The following MAP2 variants were observed in gnomAD, a reference collection of about 807,000 sequenced individuals.
The protein encoded by MAP2 is microtubule-associated protein 2.
MAP2 carries 14 observed loss-of-function variants against 137.6 expected under a neutral mutation model. The observed-to-expected ratio is 0.10, with a 90% CI of 0.07 to 0.16. The LOEUF (loss-of-function observed/expected upper bound fraction) is 0.16, where lower values mean the gene tolerates loss of function less well. Ranked by LOEUF, MAP2 falls within the 10% of genes least tolerant of loss-of-function variation. MAP2 has a pLI of 1.00. For missense variants in MAP2, 2,088 were observed against 2,191.5 expected, an observed-to-expected ratio of 0.95 and a Z score of 0.94; for synonymous variants, 786 against 782.3, an observed-to-expected ratio of 1.00 and a Z score of -0.08.
intron 5 of MAP2, among the ~76,000 whole-genome samples, chr2:209,659,525 G>A (rs2042427281): frequency 6.6e-6 from 1 of 152,138 alleles, no homozygotes; most frequent in Non-Finnish European, 1.5e-5. Context: ...TACAGGCAAA[G>A]CAGACAATTC....
At chr2:209,604,095 A>T (rs1158712534) in intron 3 of MAP2, among the ~76,000 whole-genome samples, 1 of 152,124 alleles carries the variant, frequency 6.6e-6, no homozygotes, top group East Asian at 1.9e-4. Flanking sequence ...TATCCATGAG[A>T]TTCACTGGAT....
intron 2 of MAP2, among the ~76,000 whole-genome samples, chr2:209,528,848 G>GTA (rs1334518194): frequency 3.5e-5 from 5 of 141,028 alleles, no homozygotes; most frequent in African/African-American, 7.9e-5. Flanking sequence ...GTATATATAT[G>GTA]TGTGTGTGTA....
At chr2:209,661,666 G>T (rs1027096723) in intron 5 of MAP2, 20 of 985,436 alleles carry the variant, frequency 2.0e-5, no homozygotes, top group Non-Finnish European at 2.3e-5. Context: ...GATAGAAAAG[G>T]CAGTTCCACG....
chr2:209,525,352 T>TA (rs2063872573), intron 2 of MAP2, among the ~76,000 whole-genome samples: 1 of 152,124 alleles, frequency 6.6e-6, no homozygotes, highest in Non-Finnish European at 1.5e-5. Flanking sequence ...ATAAAACAGC[T>TA]AAAAAACTTG....
rs547244794 is a variant in MAP2 at position 209,488,474 on chromosome 2, G to A, written c.-221-19118G>A. 3.3e-5 allele frequency among the ~76,000 whole-genome samples: 5 copies of A among 152,230 alleles called. No individual in the cohort carries two copies. The South Asian group carries it at 1.0e-3, about 32-fold the overall frequency. On this transcript the variant is annotated intron_variant, in intron 1 of 15. Coordinates refer to ENST00000682079, the MANE Select transcript of MAP2 (RefSeq NM_001375505.1). ...CCTGGAAAGGGGGGCTGAAGCCAGG[G>A]AGCCAAGTGGTCTAGCTCAGTGGAT...
At chr2:209,587,106 C>T (rs1276550885) in intron 3 of MAP2, among the ~76,000 whole-genome samples, 2 of 152,072 alleles carry the variant, frequency 1.3e-5, no homozygotes, top group Non-Finnish European at 2.9e-5. Context: ...TTCTATATAA[C>T]CCTGTGTCCG....
chr2:209,520,572 T>C (rs2063136385), intron 2 of MAP2, among the ~76,000 whole-genome samples: 1 of 152,072 alleles, frequency 6.6e-6, no homozygotes, highest in Non-Finnish European at 1.5e-5. Flanking sequence ...TATTTCATAT[T>C]ATTTTATTTT....
chr2:209,705,280 A>G (rs1413485691), intron 11 of MAP2: 3 of 190,484 alleles, frequency 1.6e-5, no homozygotes, highest in Non-Finnish European at 3.2e-5. Flanking sequence ...AGATTTTTCA[A>G]TAAAATTAGT....
At chr2:209,561,879 A>C (rs2072196395) in intron 2 of MAP2, among the ~76,000 whole-genome samples, 1 of 151,632 alleles carries the variant, frequency 6.6e-6, no homozygotes, top group Admixed American at 6.6e-5. Context: ...TTGATGAAGC[A>C]CTCAGCATGG....
chr2:209,504,941 A>G (rs970787344), intron 1 of MAP2, among the ~76,000 whole-genome samples: 2 of 152,176 alleles, frequency 1.3e-5, no homozygotes, highest in Non-Finnish European at 1.5e-5. Context: ...AGTAGTGCAC[A>G]TGCAACCCAG....
chr2:209,514,036 T>C (rs2150304590), intron 2 of MAP2, among the ~76,000 whole-genome samples: 1 of 152,298 alleles, frequency 6.6e-6, no homozygotes, highest in Non-Finnish European at 1.5e-5. Flanking sequence ...TAAATGGTCT[T>C]TTCAGTTTGA....
intron 1 of MAP2, among the ~76,000 whole-genome samples, chr2:209,483,222 T>C (rs773720557): frequency 4.0e-4 from 61 of 152,070 alleles, no homozygotes; most frequent in Non-Finnish European, 6.6e-4. Context: ...CTGTAATACA[T>C]GTTGATCAAA....
intron 7 of MAP2, among the ~76,000 whole-genome samples, chr2:209,686,992 T>C (rs2286850): frequency 0.21 from 31,721 of 151,636 alleles, 5,110 homozygotes; most frequent in African/African-American, 0.45. Context: ...AGTATACTTT[T>C]AGTGTCCTGC....
At chr2:209,642,045 T>C (rs1421835829) in intron 4 of MAP2, among the ~76,000 whole-genome samples, 1 of 152,170 alleles carries the variant, frequency 6.6e-6, no homozygotes, top group Non-Finnish European at 1.5e-5. Flanking sequence ...CTTCCAGATC[T>C]CTCTGGAAGT....
chr2:209,624,989 T>C (rs139508095), intron 3 of MAP2, 64 bp from the exon 4 acceptor site: 2 of 152,320 alleles, frequency 1.3e-5, no homozygotes, highest in African/African-American at 4.8e-5. Context: ...GTTGTTGAGC[T>C]ACTTGATGTG....
At chr2:209,615,513 A>C (rs2088925357) in intron 3 of MAP2, among the ~76,000 whole-genome samples, 1 of 152,232 alleles carries the variant, frequency 6.6e-6, no homozygotes, top group Admixed American at 6.5e-5. Flanking sequence ...ATATCATTTA[A>C]AGACTGATAT....
At chr2:209,588,609 C>G (rs1261466644) in intron 3 of MAP2, among the ~76,000 whole-genome samples, 1 of 152,018 alleles carries the variant, frequency 6.6e-6, no homozygotes, top group African/African-American at 2.4e-5. Flanking sequence ...ACTTAGTTTT[C>G]TTTAAAACTA....
At chr2:209,564,431 G>A (rs1046785198) in intron 2 of MAP2, among the ~76,000 whole-genome samples, 11 of 152,040 alleles carry the variant, frequency 7.2e-5, no homozygotes, top group Admixed American at 6.6e-4. Flanking sequence ...TAATGAACCA[G>A]TAGCGCCAGC....
intron 13 of MAP2, among the ~76,000 whole-genome samples, chr2:209,718,731 C>A (rs1448541194): frequency 6.6e-6 from 1 of 152,126 alleles, no homozygotes; most frequent in African/African-American, 2.4e-5. Context: ...ACTGTTATTT[C>A]TTCCTAAATG....
Sources: allele counts gnomAD v4.1 joint callset (sites outside exome capture counted in the v4.1 genomes callset), GRCh38; gene constraint gnomAD v4.1.1; transcripts MANE v1.5; gene names NCBI Gene and HGNC (gene_info 2026-07-23, HGNC 2026-07-21).